Variants in PTPRG observed in about 807,000 individuals in gnomAD.
The protein encoded by PTPRG is protein tyrosine phosphatase receptor type G.
A neutral mutation model predicts 165.3 loss-of-function variants in PTPRG; 102 were observed. The observed-to-expected ratio is 0.62, with a 90% CI of 0.53 to 0.73. PTPRG has a LOEUF of 0.73. PTPRG is among the 30% of genes least tolerant of loss of function. The pLI is 0.00. For synonymous variants in PTPRG, 675 were observed against 669.5 expected (o/e 1.01, Z -0.13); for missense variants, 1,866 against 1,861.4 (o/e 1.00, Z -0.05).
intron 1 of PTPRG, among the ~76,000 whole-genome samples, chr3:61,678,126 C>T (rs146584221): frequency 0.011 from 1,638 of 152,190 alleles, 9 homozygotes; most frequent in Non-Finnish European, 0.016. Context: ...CAGCTCAGCT[C>T]GTGCTGTTTC....
Position 61,749,079 on chromosome 3 carries a change from C to G in PTPRG, c.190+97C>G, listed in dbSNP as rs73107176. On this transcript the variant is annotated intron_variant, in intron 2 of 29. Transcript: ENST00000474889. ...TTTGAATCACTTTTATGCCTGAGTT[C>G]TGTTTGCTCAAATCTTTCGTAGTTC... 5,959 of 993,182 alleles carry G rather than the reference C, an allele frequency of 6.0e-3. 42 individuals carry two copies. The highest frequency in any genetic ancestry group is 9.3e-3 in the South Asian group (687 of 73,742). The allele number at this position is 993,182 out of a possible 1,614,324, so 61.5% of individuals were successfully genotyped here.
intron 4 of PTPRG, among the ~76,000 whole-genome samples, chr3:62,055,883 G>C (rs1700616527): frequency 6.6e-6 from 1 of 152,120 alleles, no homozygotes; most frequent in Non-Finnish European, 1.5e-5. Context: ...TTGATCATCT[G>C]CAAAGACCCT....
chr3:61,758,063 C>A (rs552404499), intron 2 of PTPRG, among the ~76,000 whole-genome samples: 1 of 152,114 alleles, frequency 6.6e-6, no homozygotes, highest in African/African-American at 2.4e-5. Context: ...CTTCTTTTTT[C>A]TTTCTTTTTT....
At chr3:61,612,670 G>A (rs1461836172) in intron 1 of PTPRG, among the ~76,000 whole-genome samples, 2 of 152,216 alleles carry the variant, frequency 1.3e-5, no homozygotes, top group Non-Finnish European at 2.9e-5. Flanking sequence ...GTGCATTAGT[G>A]TATTCTCAGT....
In PTPRG at chr3:61,695,009, T is replaced by C. The variant is rs929594214; in HGVS notation, c.86-53869T>C. ...CTCTTTTGAACTGTTTGGCTTTTTT[T>C]CTTTTTCTTTTTTTTTTTGAGACAG... On this transcript the variant is annotated intron_variant, in intron 1 of 29. Transcript: ENST00000474889. 2.6e-5 allele frequency among the ~76,000 whole-genome samples: 4 copies of C among 151,636 alleles called. No individual in the cohort carries two copies. The South Asian group carries it at 8.3e-4, about 31-fold the overall frequency.
At chr3:61,772,058 TAAAAAA>T (rs71100977) in intron 2 of PTPRG, among the ~76,000 whole-genome samples, 3 of 64,816 alleles carry the variant, frequency 4.6e-5, no homozygotes, top group African/African-American at 6.2e-5. Context: ...AGACTCTGTC[TAAAAAA>T]AAAAAAAAAA....
intron 5 of PTPRG, among the ~76,000 whole-genome samples, chr3:62,121,232 C>T (rs776027243): frequency 5.3e-5 from 8 of 151,880 alleles, no homozygotes. Context: ...GGATTACAGG[C>T]GTGAGCCACC....
chr3:61,858,785 C>T (rs565185732), intron 2 of PTPRG, among the ~76,000 whole-genome samples: 2 of 152,198 alleles, frequency 1.3e-5, no homozygotes, highest in East Asian at 3.9e-4. Context: ...AATTATGATG[C>T]CTCAGTGTGT....
At chr3:61,819,290 G>A (rs116495643) in intron 2 of PTPRG, among the ~76,000 whole-genome samples, 233 of 152,296 alleles carry the variant, frequency 1.5e-3, no homozygotes, top group African/African-American at 5.4e-3. Context: ...GAAGGAACTA[G>A]TGGAGAACAA....
chr3:61,909,813 A>G (rs1559683168), intron 2 of PTPRG, among the ~76,000 whole-genome samples: 1 of 152,224 alleles, frequency 6.6e-6, no homozygotes, highest in Admixed American at 6.5e-5. Context: ...CTGCCATGGT[A>G]TTTGTATACA....
In PTPRG at chr3:61,983,525, A is replaced by G. The variant is rs1357528128; in HGVS notation, c.191-6100A>G. 2.6e-5 allele frequency among the ~76,000 whole-genome samples: 4 copies of G among 152,120 alleles called. No individual in the cohort carries two copies. The East Asian group carries it at 7.7e-4, about 29-fold the overall frequency. On this transcript the variant is annotated intron_variant, in intron 2 of 29. Coordinates refer to ENST00000474889, the MANE Select transcript of PTPRG (RefSeq NM_002841.4). ...TTTTAATTAGATTTAGACAGAATTCATTATTTTTAATGGCTTTTCATTAGT... is the reference window on the plus strand; with the variant it reads ...TTTTAATTAGATTTAGACAGAATTCGTTATTTTTAATGGCTTTTCATTAGT...
intron 1 of PTPRG, among the ~76,000 whole-genome samples, chr3:61,673,973 T>G (rs549708722): frequency 1.3e-5 from 2 of 150,812 alleles, no homozygotes; most frequent in South Asian, 2.1e-4. Flanking sequence ...TAAGTGGGAG[T>G]TGAACAAAGA....
At chr3:61,938,554 C>G (rs563774816) in intron 2 of PTPRG, among the ~76,000 whole-genome samples, 1 of 152,130 alleles carries the variant, frequency 6.6e-6, no homozygotes, top group African/African-American at 2.4e-5. Context: ...TGAATATCCC[C>G]GTGTTTGACA....
intron 1 of PTPRG, among the ~76,000 whole-genome samples, chr3:61,662,588 A>G (rs1048131485): frequency 6.6e-6 from 1 of 152,202 alleles, no homozygotes; most frequent in Non-Finnish European, 1.5e-5. Context: ...TTGTGGGATA[A>G]TTTGTTACAC....
intron 1 of PTPRG, among the ~76,000 whole-genome samples, chr3:61,591,914 G>A (rs1431045210): frequency 1.3e-5 from 2 of 152,052 alleles, no homozygotes; most frequent in East Asian, 3.9e-4. Context: ...TCCTCAAAGG[G>A]GTAGAAGGGG....
intron 1 of PTPRG, among the ~76,000 whole-genome samples, chr3:61,584,465 T>G (rs1166259406): frequency 2.0e-5 from 3 of 152,226 alleles, no homozygotes; most frequent in African/African-American, 7.2e-5. Context: ...CTGGCATTAT[T>G]GGACAGCAAG....
At chr3:61,985,973 G>A (rs758655214) in intron 2 of PTPRG, among the ~76,000 whole-genome samples, 11 of 152,190 alleles carry the variant, frequency 7.2e-5, no homozygotes, top group Non-Finnish European at 1.3e-4. Context: ...ACGAAAAGGA[G>A]TATTTACTCC....
chr3:61,581,517 G>C (rs1485434754), intron 1 of PTPRG, among the ~76,000 whole-genome samples: 1 of 152,056 alleles, frequency 6.6e-6, no homozygotes, highest in East Asian at 1.9e-4. Flanking sequence ...TGTTAGGTTT[G>C]TGCTTCTCAG....
intron 2 of PTPRG, among the ~76,000 whole-genome samples, chr3:61,861,918 T>C (rs868788680): frequency 6.6e-6 from 1 of 152,112 alleles, no homozygotes; most frequent in African/African-American, 2.4e-5. Context: ...TGAAAGAACC[T>C]TATGGGGGCA....
Sources: gnomAD v4.1 joint callset for allele counts (sites outside exome capture counted in the v4.1 genomes callset) on GRCh38, gnomAD v4.1.1 for gene constraint, MANE v1.5 for transcripts, NCBI Gene and HGNC (gene_info 2026-07-23, HGNC 2026-07-21) for gene names.